GPM6B: variants seen among roughly 807,000 people sequenced by gnomAD.
The protein encoded by GPM6B is neuronal membrane glycoprotein M6-b.
In GPM6B, 4 loss-of-function variants were observed where a neutral mutation model predicts 27.2. The observed-to-expected ratio is 0.15, with a 90% CI of 0.07 to 0.34. GPM6B has a LOEUF of 0.34. Among genes scored for constraint, GPM6B ranks in the 10% least tolerant of loss-of-function variants. The pLI is 1.00. For missense variants in GPM6B, 183 were observed against 261.9 expected, an observed-to-expected ratio of 0.70 and a Z score of 2.08; for synonymous variants, 124 against 103.1, an observed-to-expected ratio of 1.20 and a Z score of -1.23.
In GPM6B at chrX:13,880,675, C is replaced by CAAAAAAAAAAAAAAAAAA. The variant is rs57849359; in HGVS notation, c.-198+57651_-198+57652insTTTTTTTTTTTTTTTTTT. Among the ~76,000 whole-genome samples, 24 of 46,613 alleles carry CAAAAAAAAAAAAAAAAAA rather than the reference C, an allele frequency of 5.1e-4. 2 individuals are homozygous for CAAAAAAAAAAAAAAAAAA. Among genetic ancestry groups the CAAAAAAAAAAAAAAAAAA allele is most frequent in the African/African-American group, 2.7e-3 (23 of 8,488 alleles). The allele number at this position is 46,613 out of a possible 115,157, so 40.5% of individuals were successfully genotyped here. ...TGGGAGACAGAGCAAGGCTCCATCTCAAAAAAAAAAAAAAAAGGCAAATCA... is the reference window on the plus strand; with the variant it reads ...TGGGAGACAGAGCAAGGCTCCATCTCAAAAAAAAAAAAAAAAAAAAAAAAAAAAAAAAAAGGCAAATCA... On this transcript the variant is annotated intron_variant, in intron 1 of 6. Coordinates refer to the GPM6B transcript ENST00000398361.
rs869123073 is a variant in GPM6B, at chrX:13,787,041, C to CAAAAAAAAAAAAAAAAAAA, written c.182-1252_182-1234dup. ...CTTTAGGGCAAGCACATTAAGCCAG[C>CAAAAAAAAAAAAAAAAAAA]AAAAAAAAAAAAAAAAAAAAAAAAA... On this transcript the variant is annotated intron_variant, in intron 2 of 7. Transcript: ENST00000316715. 2.9e-4 allele frequency among the ~76,000 whole-genome samples: 7 copies of CAAAAAAAAAAAAAAAAAAA among 24,511 alleles called. 1 individual carries two copies. The highest frequency in any genetic ancestry group is 8.2e-4 in the African/African-American group (4 of 4,883). 21.3% of individuals were successfully genotyped at this position (24,511 alleles called of 115,157 possible).
chrX:13,909,628 T>C (rs750154986), intron 1 of GPM6B, among the ~76,000 whole-genome samples: 1 of 111,329 alleles, frequency 9.0e-6, no homozygotes, highest in East Asian at 2.8e-4. Context: ...GGTATTATAG[T>C]CACAGTTTTC....
intron 1 of GPM6B, among the ~76,000 whole-genome samples, chrX:13,865,292 C>A (rs1257530306): frequency 9.1e-6 from 1 of 110,056 alleles, no homozygotes; most frequent in Non-Finnish European, 1.9e-5. Context: ...AGTAAACTCA[C>A]TAGCTCACAA....
intron 2 of GPM6B, among the ~76,000 whole-genome samples, chrX:13,799,402 A>AC (rs951551068): frequency 3.1e-5 from 2 of 63,809 alleles, no homozygotes; most frequent in African/African-American, 1.2e-4. Context: ...TATTATTATT[A>AC]TTTTTTTTTT....
intron 3 of GPM6B, among the ~76,000 whole-genome samples, chrX:13,784,073 G>A (rs1015321617): frequency 8.9e-6 from 1 of 112,605 alleles, no homozygotes; most frequent in Admixed American, 9.3e-5. Flanking sequence ...GTAGTAGGTC[G>A]AGTAGGTTTA....
Position 13,798,177 on chromosome X carries a change from G to A in GPM6B, c.181+9473C>T, listed in dbSNP as rs181616050. Among the ~76,000 whole-genome samples, 278 of 110,722 alleles carry A rather than the reference G, an allele frequency of 2.5e-3. 1 individual carries two copies. Among genetic ancestry groups the A allele is most frequent in the African/African-American group, 8.6e-3 (262 of 30,476 alleles). ...TGTTTGTGAAGTTCAATTTCTACAA[G>A]ACACACTAGTAATTTAAAAAGGTTG... On this transcript the variant is annotated intron_variant, in intron 2 of 7. Coordinates refer to ENST00000316715, the MANE Select transcript of GPM6B (RefSeq NM_001001995.3).
intron 1 of GPM6B, among the ~76,000 whole-genome samples, chrX:13,810,421 G>A (rs910423572): frequency 7.2e-5 from 8 of 111,621 alleles, no homozygotes; most frequent in Admixed American, 5.7e-4. Flanking sequence ...CAGCACACAG[G>A]TGCCCAATAA....
intron 1 of GPM6B, among the ~76,000 whole-genome samples, chrX:13,855,299 G>A (rs1252528097): frequency 8.9e-6 from 1 of 112,472 alleles, no homozygotes; most frequent in Non-Finnish European, 1.9e-5. Flanking sequence ...GATTATAGGC[G>A]TGAGCCACCG....
In GPM6B at chrX:13,875,748, G is replaced by A. The variant is rs994585924; in HGVS notation, c.-198+62579C>T. On this transcript the variant is annotated intron_variant, in intron 1 of 6. Transcript: ENST00000398361. ...CATGGATGAATGTTGACAACATTATGCTCAGTGAAAGAAGCCAGACACGGT... is the reference window on the plus strand; with the variant it reads ...CATGGATGAATGTTGACAACATTATACTCAGTGAAAGAAGCCAGACACGGT... 4.4e-5 allele frequency among the ~76,000 whole-genome samples: 5 copies of A among 112,371 alleles called. No individual in the cohort carries two copies. In the Admixed American group the frequency reaches 4.7e-4, roughly 11 times the overall value.
chrX:13,832,303 G>A (rs1351246419), intron 1 of GPM6B, among the ~76,000 whole-genome samples: 3 of 112,054 alleles, frequency 2.7e-5, no homozygotes, highest in Non-Finnish European at 5.6e-5. Context: ...ACCAAAGACT[G>A]AAAACCATTA....
chrX:13,887,053 A>G (rs1482106620), intron 1 of GPM6B, among the ~76,000 whole-genome samples: 1 of 111,965 alleles, frequency 8.9e-6, no homozygotes, highest in African/African-American at 3.3e-5. Flanking sequence ...TCCTGACCTC[A>G]AGTGATCTGC....
chrX:13,817,469 G>T, upstream of GPM6B: 1 of 316,575 alleles, frequency 3.2e-6, no homozygotes, highest in Non-Finnish European at 4.2e-6. Context: ...TTGGTCGACA[G>T]CAATATATGT....
chrX:13,807,096 C>T (rs946497923), intron 2 of GPM6B, among the ~76,000 whole-genome samples: 3 of 112,521 alleles, frequency 2.7e-5, no homozygotes, highest in African/African-American at 9.7e-5. Context: ...ACCGGACCCA[C>T]TGAACCTACC....
chrX:13,872,283 C>T (rs1179253147), intron 1 of GPM6B, among the ~76,000 whole-genome samples: 2 of 106,258 alleles, frequency 1.9e-5, no homozygotes, highest in African/African-American at 6.9e-5. Flanking sequence ...GATCCTCCCA[C>T]CTTCAGCCTT....
intron 1 of GPM6B, among the ~76,000 whole-genome samples, chrX:13,839,348 C>T (rs1008266065): frequency 2.3e-4 from 17 of 72,668 alleles, no homozygotes; most frequent in Admixed American, 1.2e-3. Flanking sequence ...TGATGTCTGC[C>T]TATAACTTGT....
At chrX:13,914,295 C>T (rs1335977239) in intron 1 of GPM6B, among the ~76,000 whole-genome samples, 9 of 112,091 alleles carry the variant, frequency 8.0e-5, no homozygotes, top group Non-Finnish European at 1.5e-4. Flanking sequence ...ATCTACTCCC[C>T]CATCTTCTAT....
intron 1 of GPM6B, among the ~76,000 whole-genome samples, chrX:13,855,263 C>A (rs1351159285): frequency 1.8e-5 from 2 of 112,618 alleles, no homozygotes; most frequent in Non-Finnish European, 3.7e-5. Flanking sequence ...AAGTGATCTG[C>A]CCACCTTGGT....
chrX:13,865,815 T>G (rs1156280877), intron 1 of GPM6B, among the ~76,000 whole-genome samples: 1 of 109,223 alleles, frequency 9.2e-6, no homozygotes, highest in Non-Finnish European at 1.9e-5. Context: ...TTCTGCACTT[T>G]GCTTCTGACT....
rs186321498 is a variant in GPM6B, at chrX:13,848,323, C to A, written c.-197-62515G>T. On this transcript the variant is annotated intron_variant, in intron 1 of 6. Transcript: ENST00000398361. ...TCTGCTCAGTCCTGCTTCTTTCATG[C>A]CCCTACAGGTGTTTACCCTGAAAGC... is the stretch of plus-strand genomic sequence containing the variant. Among the ~76,000 whole-genome samples the A allele has an allele frequency of 1.6e-3, 180 of 111,595 alleles. 1 individual carries two copies. The highest frequency in any genetic ancestry group is 2.3e-3 in the Non-Finnish European group (124 of 53,111).
Sources: gnomAD v4.1 joint callset for allele counts (sites outside exome capture counted in the v4.1 genomes callset) on GRCh38, gnomAD v4.1.1 for gene constraint, MANE v1.5 for transcripts, NCBI Gene and HGNC (gene_info 2026-07-23, HGNC 2026-07-21) for gene names.